The following PAPPA variants were observed in gnomAD, a reference collection of about 807,000 sequenced individuals.
The protein encoded by PAPPA is pappalysin 1, also known as pappalysin-1.
PAPPA carries 60 observed loss-of-function variants against 164.0 expected under a neutral mutation model. The observed-to-expected ratio is 0.37, with a 90% CI of 0.30 to 0.45. The LOEUF (loss-of-function observed/expected upper bound fraction) is 0.45. PAPPA is among the 20% of genes least tolerant of loss of function. The pLI is 1.00. For synonymous variants in PAPPA, 875 were observed against 814.1 expected, an observed-to-expected ratio of 1.07 and a Z score of -1.27; for missense variants, 1,782 against 2,087.3, an observed-to-expected ratio of 0.85 and a Z score of 2.85.
intron 7 of PAPPA, among the ~76,000 whole-genome samples, chr9:116,250,682 C>A (rs771554140): frequency 1.2e-4 from 19 of 152,150 alleles, no homozygotes; most frequent in Non-Finnish European, 2.1e-4. Flanking sequence ...ACTCTCAGAC[C>A]AGGAAAGATT....
At chr9:116,289,325 G>GCATATGTATGGCATATATATGC (rs1845400274) in intron 9 of PAPPA, among the ~76,000 whole-genome samples, 2 of 70,346 alleles carry the variant, frequency 2.8e-5, no homozygotes, top group South Asian at 4.9e-4. Context: ...CATATATATG[G>GCATATGTATGGCATATATATGC]CATATATATA....
chr9:116,227,397 T>C, intron 5 of PAPPA, 34 bp from the exon 6 acceptor site: 9 of 1,612,942 alleles, frequency 5.6e-6, no homozygotes, highest in Non-Finnish European at 7.6e-6. Context: ...TGTTCCTAAG[T>C]CGGTGCATTT....
chr9:116,380,416 A>G (rs1487091555), intron 20 of PAPPA, among the ~76,000 whole-genome samples: 4 of 152,118 alleles, frequency 2.6e-5, no homozygotes, highest in Non-Finnish European at 5.9e-5. Context: ...GGGCCAAATA[A>G]AGAAGTATCA....
intron 5 of PAPPA, among the ~76,000 whole-genome samples, chr9:116,226,710 T>C (rs535378632): frequency 9.2e-5 from 14 of 152,316 alleles, no homozygotes; most frequent in Non-Finnish European, 1.5e-4. Context: ...AGAGACTCTA[T>C]AGCCAAAGGA....
intron 1 of PAPPA, among the ~76,000 whole-genome samples, chr9:116,176,140 A>G (rs1046294134): frequency 4.6e-5 from 7 of 152,292 alleles, no homozygotes; most frequent in African/African-American, 1.4e-4. Context: ...CAGAAAAGAG[A>G]AAAGGACAGG....
intron 19 of PAPPA, 113 bp from the exon 20 acceptor site, chr9:116,377,463 G>A (rs923510192): frequency 1.5e-6 from 1 of 678,020 alleles, no homozygotes; most frequent in Non-Finnish European, 2.6e-6. Flanking sequence ...CCAGGGTGAG[G>A]TCAGGAATTG....
At chr9:116,362,067 G>A (rs899748073) in intron 17 of PAPPA, among the ~76,000 whole-genome samples, 28 of 151,140 alleles carry the variant, frequency 1.9e-4, no homozygotes, top group African/African-American at 5.6e-4. Flanking sequence ...AAGAGAAGAT[G>A]AGAAAAGGAA....
At chr9:116,231,700 T>C (rs1265411041) in intron 6 of PAPPA, among the ~76,000 whole-genome samples, 1 of 150,332 alleles carries the variant, frequency 6.7e-6, no homozygotes, top group Non-Finnish European at 1.5e-5. Flanking sequence ...GATGGATGGA[T>C]GGATGGATGG....
chr9:116,202,848 C>T (rs558402876), intron 2 of PAPPA, among the ~76,000 whole-genome samples: 2 of 152,244 alleles, frequency 1.3e-5, no homozygotes, highest in East Asian at 1.9e-4. Context: ...ATGTATTTAA[C>T]CTTGTTTAAC....
intron 10 of PAPPA, among the ~76,000 whole-genome samples, chr9:116,307,436 C>T (rs1845660817): frequency 6.6e-6 from 1 of 151,960 alleles, no homozygotes; most frequent in Admixed American, 6.6e-5. Flanking sequence ...CCCGTCTCTA[C>T]TAAAAATACA....
Position 116,398,602 on chromosome 9 carries a change from A to T in PAPPA, c.*1986A>T, listed in dbSNP as rs977797478. 2.5e-6 allele frequency: 3 copies of T among 1,204,516 alleles called. No homozygotes were observed. Among genetic ancestry groups the T allele is most frequent in the Non-Finnish European group, 3.3e-6 (3 of 911,360 alleles). The allele number at this position is 1,204,516 out of a possible 1,614,324, so 74.6% of individuals were successfully genotyped here. ...GACATCTATTGGCCATCTCTGGCCA[A>T]TTACACTAAGAAACATATCAAGGTG... On this transcript the variant is annotated 3_prime_UTR_variant, in exon 22 of 22. Transcript: ENST00000328252.
At chr9:116,178,636 AC>A (rs947455941) in intron 1 of PAPPA, among the ~76,000 whole-genome samples, 12 of 152,222 alleles carry the variant, frequency 7.9e-5, no homozygotes, top group Admixed American at 3.3e-4. Flanking sequence ...GATCAGCCTC[AC>A]ACCACTGTCC....
chr9:116,197,885 T>C (rs1844126223), intron 2 of PAPPA, among the ~76,000 whole-genome samples: 1 of 152,262 alleles, frequency 6.6e-6, no homozygotes, highest in Non-Finnish European at 1.5e-5. Context: ...TGATTTATCC[T>C]TTCTAAACTT....
At chr9:116,158,042 C>T (rs1293162291) in intron 1 of PAPPA, among the ~76,000 whole-genome samples, 1 of 152,176 alleles carries the variant, frequency 6.6e-6, no homozygotes, top group African/African-American at 2.4e-5. Flanking sequence ...AAGTACTGCC[C>T]TCCTCCCACC....
chr9:116,190,681 G>T (rs1339513813), intron 2 of PAPPA, among the ~76,000 whole-genome samples: 1 of 152,252 alleles, frequency 6.6e-6, no homozygotes, highest in African/African-American at 2.4e-5. Flanking sequence ...GCACCATGCT[G>T]GTGTGGAGGG....
At chr9:116,320,626 T>G (rs1334969725) in intron 10 of PAPPA, among the ~76,000 whole-genome samples, 1 of 152,178 alleles carries the variant, frequency 6.6e-6, no homozygotes, top group African/African-American at 2.4e-5. Context: ...AGGGGAAAGC[T>G]GCTCTGGAGG....
chr9:116,251,514 A>G (rs1423416567), intron 7 of PAPPA, among the ~76,000 whole-genome samples: 1 of 152,176 alleles, frequency 6.6e-6, no homozygotes, highest in Non-Finnish European at 1.5e-5. Flanking sequence ...AGTCCTCCAC[A>G]ACTGTGTTCA....
chr9:116,217,511 C>G (rs1844389195), intron 4 of PAPPA, among the ~76,000 whole-genome samples: 2 of 151,968 alleles, frequency 1.3e-5, no homozygotes, highest in Admixed American at 6.6e-5. Context: ...TCTATTTTAC[C>G]CCTGTTTACC....
At chr9:116,304,159 T>G (rs1337205018) in intron 10 of PAPPA, among the ~76,000 whole-genome samples, 1 of 152,232 alleles carries the variant, frequency 6.6e-6, no homozygotes, top group Non-Finnish European at 1.5e-5. Flanking sequence ...TTTATCATAC[T>G]GAACTCTGAA....
Sources: gnomAD v4.1 joint callset for allele counts (sites outside exome capture counted in the v4.1 genomes callset) on GRCh38, gnomAD v4.1.1 for gene constraint, MANE v1.5 for transcripts, NCBI Gene and HGNC (gene_info 2026-07-23, HGNC 2026-07-21) for gene names.